AGBL4: variants seen among roughly 807,000 people sequenced by gnomAD.
AGBL4 encodes cytosolic carboxypeptidase 6.
A neutral mutation model predicts 66.4 loss-of-function variants in AGBL4; 58 were observed. That is an observed-to-expected ratio of 0.87 (90% confidence interval 0.71 to 1.09). The LOEUF is 1.09. AGBL4 is among the 50% of genes least tolerant of loss of function. The probability of loss-of-function intolerance (pLI) is 0.00; values close to 1 mark genes in which losing one functional copy is unlikely to be tolerated. For missense variants in AGBL4, 579 were observed against 631.0 expected (o/e 0.92, Z 0.88); for synonymous variants, 234 against 222.9 (o/e 1.05, Z -0.44).
chr1:48,770,998 T>C (rs1644796521), intron 6 of AGBL4, among the ~76,000 whole-genome samples: 1 of 152,214 alleles, frequency 6.6e-6, no homozygotes, highest in Non-Finnish European at 1.5e-5. Flanking sequence ...GGCTCTCTTT[T>C]CTTGGGTAAA....
intron 2 of AGBL4, among the ~76,000 whole-genome samples, chr1:49,712,404 T>C (rs1426622976): frequency 1.3e-5 from 2 of 151,640 alleles, no homozygotes; most frequent in East Asian, 1.9e-4. Flanking sequence ...AAGTTGAATA[T>C]ATAGAAACAA....
chr1:49,675,456 T>A (rs1183115032), intron 3 of AGBL4, among the ~76,000 whole-genome samples: 7 of 151,962 alleles, frequency 4.6e-5, no homozygotes, highest in Non-Finnish European at 1.0e-4. Flanking sequence ...CGGGAAAAAT[T>A]ACCTGTTGGG....
intron 3 of AGBL4, among the ~76,000 whole-genome samples, chr1:49,260,698 G>A (rs1320153287): frequency 6.6e-6 from 1 of 152,110 alleles, no homozygotes. Context: ...TCCAGGACCA[G>A]ATGGATTCAC....
chr1:49,437,917 C>T (rs1229446108), intron 3 of AGBL4, among the ~76,000 whole-genome samples: 1 of 152,124 alleles, frequency 6.6e-6, no homozygotes, highest in Non-Finnish European at 1.5e-5. Flanking sequence ...TATTTACTTA[C>T]TGTTTCCCAT....
At chr1:48,755,546 T>C (rs1652417671) in intron 6 of AGBL4, among the ~76,000 whole-genome samples, 1 of 152,178 alleles carries the variant, frequency 6.6e-6, no homozygotes, top group South Asian at 2.1e-4. Flanking sequence ...GCCTGGGCCC[T>C]ACATCAACCC....
chr1:49,893,652 G>T (rs1648878790), intron 1 of AGBL4, among the ~76,000 whole-genome samples: 1 of 152,180 alleles, frequency 6.6e-6, no homozygotes, highest in Non-Finnish European at 1.5e-5. Flanking sequence ...GAAAAATGAG[G>T]AAAACATGGG....
intron 3 of AGBL4, among the ~76,000 whole-genome samples, chr1:49,277,317 T>G (rs2148397484): frequency 6.6e-6 from 1 of 152,316 alleles, no homozygotes; most frequent in South Asian, 2.1e-4. Flanking sequence ...CTTTTGTTAA[T>G]GAGGAAAAGA....
intron 2 of AGBL4, among the ~76,000 whole-genome samples, chr1:49,809,698 A>T (rs1283819791): frequency 6.6e-6 from 1 of 152,158 alleles, no homozygotes; most frequent in Non-Finnish European, 1.5e-5. Context: ...ACTTCATATA[A>T]ATAATGCAAA....
At position 49,130,110 on chromosome 1, in the gene AGBL4, T is replaced by G. The variant is rs1250658200; in HGVS notation, c.378-84310A>C. Among the ~76,000 whole-genome samples the G allele has an allele frequency of 2.0e-5, 3 of 152,368 alleles. No homozygotes were observed. The East Asian group carries it at 5.8e-4, about 29-fold the overall frequency. ...TGTGTCTGTTGGCTGCATAAATGTCTTCTTTTGAGAAGTGTCTGTTCATGT... is the reference window on the plus strand; with the variant it reads ...TGTGTCTGTTGGCTGCATAAATGTCGTCTTTTGAGAAGTGTCTGTTCATGT... On this transcript the variant is annotated intron_variant, in intron 4 of 13. Transcript: ENST00000371839.
At chr1:49,743,113 C>T (rs1650673574) in intron 2 of AGBL4, among the ~76,000 whole-genome samples, 2 of 152,018 alleles carry the variant, frequency 1.3e-5, no homozygotes, top group South Asian at 4.2e-4. Context: ...ACTGAACAGT[C>T]AAACCTACAG....
chr1:49,045,877 T>A, intron 4 of AGBL4, 77 bp from the exon 5 acceptor site: 1 of 1,218,590 alleles, frequency 8.2e-7, no homozygotes. Context: ...TATAAATCAA[T>A]GCCTGGAGAA....
intron 3 of AGBL4, among the ~76,000 whole-genome samples, chr1:49,682,022 C>G (rs911629782): frequency 2.0e-5 from 3 of 152,032 alleles, no homozygotes; most frequent in Admixed American, 1.3e-4. Context: ...TAAAAAAGTA[C>G]AGCAAACTAT....
At chr1:49,108,730 T>G (rs1010930544) in intron 4 of AGBL4, among the ~76,000 whole-genome samples, 1 of 152,154 alleles carries the variant, frequency 6.6e-6, no homozygotes, top group East Asian at 1.9e-4. Context: ...TAACATAACA[T>G]GAATTTTTTA....
intron 2 of AGBL4, among the ~76,000 whole-genome samples, chr1:49,794,524 A>G (rs866060682): frequency 6.6e-6 from 1 of 152,016 alleles, no homozygotes; most frequent in South Asian, 2.1e-4. Context: ...AATCATGTCT[A>G]AGAAAGTGCT....
chr1:49,163,123 C>T (rs999082640), intron 4 of AGBL4, among the ~76,000 whole-genome samples: 9 of 152,254 alleles, frequency 5.9e-5, no homozygotes, highest in Admixed American at 2.6e-4. Context: ...TTTAGGATAA[C>T]GCTTGGAACT....
intron 3 of AGBL4, among the ~76,000 whole-genome samples, chr1:49,558,413 G>C (rs559890164): frequency 6.6e-6 from 1 of 152,116 alleles, no homozygotes; most frequent in African/African-American, 2.4e-5. Flanking sequence ...TGCGATCTCA[G>C]CTCACTGCAA....
At chr1:48,998,886 A>C (rs1216830488) in intron 5 of AGBL4, among the ~76,000 whole-genome samples, 1 of 152,188 alleles carries the variant, frequency 6.6e-6, no homozygotes, top group Non-Finnish European at 1.5e-5. Flanking sequence ...AGCTTAGGAG[A>C]ATATGGCAGC....
intron 4 of AGBL4, among the ~76,000 whole-genome samples, chr1:49,221,657 C>T (rs1234892030): frequency 6.6e-6 from 1 of 151,980 alleles, no homozygotes; most frequent in Non-Finnish European, 1.5e-5. Context: ...AGGAAAGTAT[C>T]TTCACTATTT....
intron 2 of AGBL4, chr1:49,842,003 C>A: frequency 2.2e-6 from 1 of 458,822 alleles, no homozygotes; most frequent in South Asian, 2.2e-5. Flanking sequence ...TCACACCCGG[C>A]CTCCTCTTTG....
Sources: gnomAD v4.1 joint callset for allele counts (sites outside exome capture counted in the v4.1 genomes callset) on GRCh38, gnomAD v4.1.1 for gene constraint, MANE v1.5 for transcripts, NCBI Gene and HGNC (gene_info 2026-07-23, HGNC 2026-07-21) for gene names.